Variants in GPHN observed in about 807,000 individuals in gnomAD.
The protein encoded by GPHN is gephyrin.
GPHN carries 17 observed loss-of-function variants against 95.5 expected under a neutral mutation model. The observed-to-expected ratio is 0.18, with a 90% CI of 0.12 to 0.27. The LOEUF is 0.27. Ranked by LOEUF, GPHN falls within the 10% of genes least tolerant of loss-of-function variation. The pLI is 1.00. For synonymous variants in GPHN, 320 were observed against 322.5 expected, an observed-to-expected ratio of 0.99 and a Z score of 0.08; for missense variants, 660 against 978.1, an observed-to-expected ratio of 0.67 and a Z score of 4.34.
the GPHN span, among the ~76,000 whole-genome samples, chr14:67,401,443 T>C: frequency 1.3e-5 from 2 of 148,488 alleles, no homozygotes; most frequent in African/African-American, 5.0e-5. Context: ...GCCCAGGAGG[T>C]TAATGCTACA....
intron 2 of GPHN, among the ~76,000 whole-genome samples, chr14:66,718,386 G>A (rs1217570358): frequency 6.6e-6 from 1 of 152,136 alleles, no homozygotes; most frequent in African/African-American, 2.4e-5. Context: ...TGGTCTCGCT[G>A]ACTTCAGGAA....
At chr14:66,540,613 T>C (rs550575411) in intron 1 of GPHN, among the ~76,000 whole-genome samples, 2 of 152,322 alleles carry the variant, frequency 1.3e-5, no homozygotes, top group African/African-American at 4.8e-5. Flanking sequence ...TCTTTAAAAA[T>C]AATAGTCTTG....
the GPHN span, chr14:67,611,116 C>T: frequency 0.031 from 4,739 of 154,128 alleles, 224 homozygotes; most frequent in African/African-American, 0.11. Context: ...TCTAGACTAA[C>T]GCCACTGATG....
chr14:67,254,746 T>C, the GPHN span, among the ~76,000 whole-genome samples: 1 of 152,222 alleles, frequency 6.6e-6, no homozygotes, highest in Non-Finnish European at 1.5e-5. Flanking sequence ...GGCCAGTGTT[T>C]TTGATTTGCA....
At chr14:67,043,151 A>G (rs2074804505) in intron 10 of GPHN, among the ~76,000 whole-genome samples, 1 of 152,194 alleles carries the variant, frequency 6.6e-6, no homozygotes, top group Admixed American at 6.5e-5. Flanking sequence ...GGGGTTTTCT[A>G]AATATACAAT....
At chr14:67,301,474 A>G in the GPHN span, 1 of 1,595,798 alleles carries the variant, frequency 6.3e-7, no homozygotes. Flanking sequence ...CAGGTAGAAA[A>G]TGGACAGAAT....
At chr14:66,677,444 G>A (rs987685820) in intron 1 of GPHN, among the ~76,000 whole-genome samples, 1 of 151,964 alleles carries the variant, frequency 6.6e-6, no homozygotes, top group Non-Finnish European at 1.5e-5. Context: ...TAAGTTTTTG[G>A]TATGCTGTTT....
At chr14:67,727,697 G>A in the GPHN span, 3 of 190,514 alleles carry the variant, frequency 1.6e-5, no homozygotes, top group African/African-American at 7.2e-5. Context: ...GTCCAGGTTG[G>A]TCTCAAACTC....
the GPHN span, among the ~76,000 whole-genome samples, chr14:67,522,485 A>C: frequency 3.8e-4 from 58 of 152,198 alleles, no homozygotes; most frequent in Admixed American, 2.5e-3. Flanking sequence ...AAAAGCTCTT[A>C]TGCTGCTATC....
intron 1 of GPHN, among the ~76,000 whole-genome samples, chr14:66,556,383 GATCT>G (rs2060008786): frequency 6.6e-6 from 1 of 152,116 alleles, no homozygotes; most frequent in Admixed American, 6.5e-5. Context: ...AAACTCTGTT[GATCT>G]TTAAGCTTTG....
At chr14:66,670,389 C>T (rs2066236437) in intron 1 of GPHN, among the ~76,000 whole-genome samples, 1 of 152,170 alleles carries the variant, frequency 6.6e-6, no homozygotes, top group Non-Finnish European at 1.5e-5. Context: ...TGCATCCTCT[C>T]TGGAAAGCCA....
At chr14:67,352,712 A>G in the GPHN span, 1 of 456,246 alleles carries the variant, frequency 2.2e-6, no homozygotes, top group African/African-American at 2.0e-5. Flanking sequence ...CGGGGGGCCA[A>G]TCAGATCAAG....
chr14:66,783,279 G>C (rs376839840), intron 3 of GPHN, among the ~76,000 whole-genome samples: 7 of 152,182 alleles, frequency 4.6e-5, no homozygotes, highest in Non-Finnish European at 8.8e-5. Flanking sequence ...CTCACCTGGT[G>C]GTGGCAGCAG....
At chr14:67,654,470 T>C in the GPHN span, among the ~76,000 whole-genome samples, 1 of 152,186 alleles carries the variant, frequency 6.6e-6, no homozygotes, top group Non-Finnish European at 1.5e-5. Flanking sequence ...CTACCTGGTA[T>C]GTTCAAAAAC....
At chr14:66,798,391 A>G (rs1366788606) in intron 3 of GPHN, among the ~76,000 whole-genome samples, 2 of 151,930 alleles carry the variant, frequency 1.3e-5, no homozygotes, top group African/African-American at 4.8e-5. Flanking sequence ...TAGAATTGGT[A>G]TTAATTCTTC....
At chr14:67,699,605 A>G in the GPHN span, among the ~76,000 whole-genome samples, 3 of 150,160 alleles carry the variant, frequency 2.0e-5, no homozygotes, top group African/African-American at 7.3e-5. Context: ...AAAAAAAAAA[A>G]AAAAAAAGAA....
intron 1 of GPHN, among the ~76,000 whole-genome samples, chr14:66,602,265 C>A (rs1378795504): frequency 6.6e-6 from 1 of 151,922 alleles, no homozygotes; most frequent in Non-Finnish European, 1.5e-5. Context: ...TGAGAGTGAT[C>A]AAAGTGCAAA....
intron 1 of GPHN, among the ~76,000 whole-genome samples, chr14:66,595,828 G>A (rs2061950076): frequency 6.6e-6 from 1 of 152,180 alleles, no homozygotes; most frequent in Non-Finnish European, 1.5e-5. Flanking sequence ...CAAGGGGCGT[G>A]TTTCAGCCCT....
intron 19 of GPHN, among the ~76,000 whole-genome samples, chr14:67,160,575 T>TTCTTTGCTACTATC (rs2153718722): frequency 1.3e-5 from 2 of 152,286 alleles, no homozygotes; most frequent in East Asian, 1.9e-4. Flanking sequence ...GTCTATCTGT[T>TTCTTTGCTACTATC]TAGACCTTTG....
Sources: allele counts gnomAD v4.1 joint callset (sites outside exome capture counted in the v4.1 genomes callset), GRCh38; gene constraint gnomAD v4.1.1; transcripts MANE v1.5; gene names NCBI Gene and HGNC (gene_info 2026-07-23, HGNC 2026-07-21).